PTPRT: variants seen among roughly 807,000 people sequenced by gnomAD.
PTPRT encodes protein tyrosine phosphatase receptor type T, also known as receptor-type tyrosine-protein phosphatase T.
Under a neutral mutation model 176.8 loss-of-function variants are expected in PTPRT, and 56 were observed. The observed-to-expected ratio is 0.32, with a 90% CI of 0.26 to 0.40. The LOEUF is 0.40. Among genes scored for constraint, PTPRT ranks in the 10% least tolerant of loss-of-function variants. The pLI, the probability that PTPRT is intolerant of heterozygous loss-of-function variation, is 1.00. For synonymous variants in PTPRT, 783 were observed against 739.0 expected (o/e 1.06, Z -0.96); for missense variants, 1,540 against 1,908.2 (o/e 0.81, Z 3.60).
chr20:42,407,963 A>G (rs1477102292), intron 9 of PTPRT, among the ~76,000 whole-genome samples: 1 of 152,300 alleles, frequency 6.6e-6, no homozygotes, highest in East Asian at 1.9e-4. Context: ...AGATATTAAA[A>G]TGCAAACAAC....
chr20:42,070,038 G>C (rs990572947), downstream of PTPRT, among the ~76,000 whole-genome samples: 10 of 152,150 alleles, frequency 6.6e-5, no homozygotes, highest in African/African-American at 2.2e-4. Context: ...ATATCCTAAA[G>C]ATTAAGTGGT....
At chr20:42,253,355 G>T (rs551258872) in intron 13 of PTPRT, among the ~76,000 whole-genome samples, 2 of 152,146 alleles carry the variant, frequency 1.3e-5, no homozygotes, top group Non-Finnish European at 2.9e-5. Context: ...CCCCAAAATC[G>T]AAAGGGACTT....
intron 1 of PTPRT, among the ~76,000 whole-genome samples, chr20:42,901,030 G>A (rs2079395315): frequency 6.6e-6 from 1 of 152,136 alleles, no homozygotes; most frequent in African/African-American, 2.4e-5. Flanking sequence ...TCCATATGCT[G>A]CAAAGGAAAT....
chr20:42,110,207 C>A, intron 23 of PTPRT, 126 bp downstream of exon 23: 1 of 850,464 alleles, frequency 1.2e-6, no homozygotes, highest in African/African-American at 1.7e-5. Flanking sequence ...CCACCATGAC[C>A]AGCTAAGTTT....
At position 42,618,172 on chromosome 20, in the gene PTPRT, T is replaced by C. The variant is rs533095028; in HGVS notation, c.1153+59694A>G. 1.2e-4 allele frequency among the ~76,000 whole-genome samples: 15 copies of C among 126,178 alleles called. 3 individuals carry two copies. Among genetic ancestry groups the C allele is most frequent in the Non-Finnish European group, 1.9e-4 (12 of 61,776 alleles). 82.8% of individuals were successfully genotyped at this position (126,178 alleles called of 152,430 possible). A position where few individuals can be genotyped will look rare whatever the true frequency, so the allele number is the denominator to read the frequency against. On this transcript the variant is annotated intron_variant, in intron 7 of 30. Coordinates refer to ENST00000373187, the MANE Select transcript of PTPRT (RefSeq NM_007050.6). ...TCTCGTTGGTTTCAAAGAACATCTT[T>C]ATTTCTGCCTTCATTTCGTTATGTA...
At chr20:42,062,360 A>G in the PTPRT span, among the ~76,000 whole-genome samples, 1 of 152,288 alleles carries the variant, frequency 6.6e-6, no homozygotes, top group African/African-American at 2.4e-5. Context: ...CCTGTAGAGT[A>G]GAGGCCTAGA....
At position 42,223,724 on chromosome 20, in the gene PTPRT, A is replaced by G. The variant is rs150821380; in HGVS notation, c.2342+12505T>C. Among the ~76,000 whole-genome samples, 134 of 152,336 alleles carry G rather than the reference A, an allele frequency of 8.8e-4. 3 individuals carry two copies. The South Asian group carries it at 0.014, about 16-fold the overall frequency. ...AATAATATGAAATCCCGTACCAACC[A>G]GATATGAGCTTAGATTTTTCACCAA... On this transcript the variant is annotated intron_variant, in intron 15 of 30. Transcript: ENST00000373187.
At chr20:42,360,722 C>G (rs2058421469) in intron 9 of PTPRT, among the ~76,000 whole-genome samples, 1 of 152,126 alleles carries the variant, frequency 6.6e-6, no homozygotes, top group African/African-American at 2.4e-5. Flanking sequence ...GTTGCATGAC[C>G]AATTCCTCTC....
At chr20:43,083,335 T>TATATATATATACAC (rs2011499575) in intron 1 of PTPRT, among the ~76,000 whole-genome samples, 1 of 106,830 alleles carries the variant, frequency 9.4e-6, no homozygotes, top group African/African-American at 3.7e-5. Context: ...TATATATATA[T>TATATATATATACAC]ATATATATAT....
At position 42,430,169 on chromosome 20, in the gene PTPRT, C is replaced by T. The variant is rs533971236; in HGVS notation, c.1560+18051G>A. Among the ~76,000 whole-genome samples the T allele has an allele frequency of 5.4e-4, 82 of 152,210 alleles. 2 individuals carry two copies. The highest frequency in any genetic ancestry group is 5.1e-3 in the Admixed American group (78 of 15,304). ...AGCAAGGTCCCCACGGTCCACGGTCCAGGGTCCACGGTCCACAGATATAAC... is the reference window on the plus strand; with the variant it reads ...AGCAAGGTCCCCACGGTCCACGGTCTAGGGTCCACGGTCCACAGATATAAC... On this transcript the variant is annotated intron_variant, in intron 9 of 30. Transcript: ENST00000373187.
At chr20:42,335,828 G>A (rs989146306) in intron 11 of PTPRT, among the ~76,000 whole-genome samples, 4 of 151,960 alleles carry the variant, frequency 2.6e-5, no homozygotes, top group Non-Finnish European at 5.9e-5. Context: ...ATTCTATAAC[G>A]AATTAAACAA....
chr20:42,715,018 A>G (rs2076202203), intron 6 of PTPRT, among the ~76,000 whole-genome samples: 1 of 152,182 alleles, frequency 6.6e-6, no homozygotes, highest in Non-Finnish European at 1.5e-5. Flanking sequence ...CCTGCAGTGG[A>G]GTTGCAGTTG....
intron 9 of PTPRT, among the ~76,000 whole-genome samples, chr20:42,420,572 T>C (rs947424009): frequency 6.6e-6 from 1 of 152,190 alleles, no homozygotes; most frequent in Non-Finnish European, 1.5e-5. Flanking sequence ...CTTTCCTCAT[T>C]ACGCTGGTCT....
chr20:43,019,387 A>G (rs541194820), intron 1 of PTPRT, among the ~76,000 whole-genome samples: 11 of 152,172 alleles, frequency 7.2e-5, no homozygotes, highest in East Asian at 1.9e-4. Flanking sequence ...TTGGGAGGTC[A>G]AGGCGGGCAG....
intron 9 of PTPRT, among the ~76,000 whole-genome samples, chr20:42,362,391 C>A (rs2058443028): frequency 6.6e-6 from 1 of 151,188 alleles, no homozygotes; most frequent in Non-Finnish European, 1.5e-5. Context: ...TCGATCTAAT[C>A]GTGAGAAAAC....
At chr20:42,515,591 C>G (rs1460376277) in intron 7 of PTPRT, among the ~76,000 whole-genome samples, 1 of 152,144 alleles carries the variant, frequency 6.6e-6, no homozygotes, top group Admixed American at 6.5e-5. Flanking sequence ...AGCTGGGGTA[C>G]AGAAATGCAA....
chr20:42,363,969 C>A (rs1162647889), intron 9 of PTPRT, among the ~76,000 whole-genome samples: 1 of 152,112 alleles, frequency 6.6e-6, no homozygotes, highest in African/African-American at 2.4e-5. Context: ...AGCTAGAGTG[C>A]AAAGACATGT....
chr20:42,475,166 A>T (rs2145304050), intron 7 of PTPRT, among the ~76,000 whole-genome samples: 1 of 152,290 alleles, frequency 6.6e-6, no homozygotes, highest in African/African-American at 2.4e-5. Flanking sequence ...CTTCTGAACC[A>T]TCTTATGACC....
intron 7 of PTPRT, among the ~76,000 whole-genome samples, chr20:42,595,573 C>T (rs2073656111): frequency 2.0e-5 from 3 of 152,178 alleles, no homozygotes; most frequent in Admixed American, 6.5e-5. Flanking sequence ...CTTGCAGGAC[C>T]TCAGCTTTGT....
Sources: allele counts gnomAD v4.1 joint callset (sites outside exome capture counted in the v4.1 genomes callset), GRCh38; gene constraint gnomAD v4.1.1; transcripts MANE v1.5; gene names NCBI Gene and HGNC (gene_info 2026-07-23, HGNC 2026-07-21).